ZFAT: variants seen among roughly 807,000 people sequenced by gnomAD.
ZFAT encodes zinc finger protein ZFAT.
A neutral mutation model predicts 117.7 loss-of-function variants in ZFAT; 64 were observed. That is an observed-to-expected ratio of 0.54 (90% CI 0.44 to 0.67). The LOEUF is 0.67. Ranked by LOEUF, ZFAT falls within the 30% of genes least tolerant of loss-of-function variation. The pLI is 0.00. For synonymous variants in ZFAT, 679 were observed against 615.0 expected, an observed-to-expected ratio of 1.10 and a Z score of -1.54; for missense variants, 1,433 against 1,584.5, an observed-to-expected ratio of 0.90 and a Z score of 1.62.
intron 10 of ZFAT, among the ~76,000 whole-genome samples, chr8:134,573,560 C>T (rs1825091268): frequency 1.3e-5 from 2 of 152,214 alleles, no homozygotes; most frequent in South Asian, 4.1e-4. Context: ...ACTGCAGACA[C>T]CGCAGCTCTT....
At chr8:134,622,851 C>A (rs1829225600) in intron 3 of ZFAT, among the ~76,000 whole-genome samples, 1 of 152,122 alleles carries the variant, frequency 6.6e-6, no homozygotes, top group South Asian at 2.1e-4. Flanking sequence ...AAGGCCACAG[C>A]TCTCTCCCTC....
the ZFAT span, among the ~76,000 whole-genome samples, chr8:134,801,347 A>G: frequency 3.3e-5 from 5 of 152,170 alleles, no homozygotes; most frequent in African/African-American, 1.2e-4. Context: ...TCCCACAAAT[A>G]TCTCCACTAA....
upstream of ZFAT, among the ~76,000 whole-genome samples, chr8:134,714,106 TG>T (rs1814152485): frequency 1.3e-5 from 1 of 77,876 alleles, no homozygotes; most frequent in African/African-American, 5.8e-5. Context: ...TGCAAAGACA[TG>T]CCCCCCCCCC....
At chr8:134,520,734 G>A (rs765888004) in intron 13 of ZFAT, 149 bp downstream of exon 13, 27 of 627,968 alleles carry the variant, frequency 4.3e-5, no homozygotes, top group South Asian at 2.0e-4. Context: ...CCTCAGACGC[G>A]AGACATCATT....
chr8:134,708,691 G>A (rs986207161), intron 1 of ZFAT, among the ~76,000 whole-genome samples: 2 of 152,128 alleles, frequency 1.3e-5, no homozygotes, highest in Non-Finnish European at 2.9e-5. Context: ...AGCGGCTCAC[G>A]TCTGTAATAC....
chr8:134,658,596 T>G (rs953690514), intron 1 of ZFAT, among the ~76,000 whole-genome samples: 1 of 152,238 alleles, frequency 6.6e-6, no homozygotes, highest in Non-Finnish European at 1.5e-5. Flanking sequence ...TATGTTCATC[T>G]CATTATACTA....
chr8:134,689,136 C>T (rs562759940), intron 1 of ZFAT, among the ~76,000 whole-genome samples: 10 of 152,328 alleles, frequency 6.6e-5, no homozygotes, highest in East Asian at 5.8e-4. Context: ...CCATAATACA[C>T]GCCCACCAGA....
chr8:134,601,324 G>T (rs1241727082), intron 6 of ZFAT, among the ~76,000 whole-genome samples, 153 bp downstream of exon 6: 11 of 152,134 alleles, frequency 7.2e-5, no homozygotes, highest in Admixed American at 4.6e-4. Flanking sequence ...AGCGCTAACG[G>T]CCACACAGGG....
the ZFAT span, among the ~76,000 whole-genome samples, chr8:134,824,384 A>T: frequency 4.6e-5 from 7 of 152,246 alleles, no homozygotes; most frequent in Non-Finnish European, 1.5e-5. Flanking sequence ...GGATTTAAGC[A>T]GGCAAGTGAT....
chr8:134,700,261 G>C (rs1313636727), intron 1 of ZFAT, among the ~76,000 whole-genome samples: 1 of 152,224 alleles, frequency 6.6e-6, no homozygotes, highest in African/African-American at 2.4e-5. Context: ...AAAATGCAAA[G>C]CTAGGTCTCC....
At chr8:134,497,884 C>A (rs1468841872) in intron 15 of ZFAT, among the ~76,000 whole-genome samples, 2 of 141,140 alleles carry the variant, frequency 1.4e-5, no homozygotes, top group African/African-American at 5.3e-5. Flanking sequence ...GCTGGTTACA[C>A]ACAGAGCCTG....
Position 134,629,079 on chromosome 8 carries a change from C to T in ZFAT, c.448+8382G>A, listed in dbSNP as rs140104040. Among the ~76,000 whole-genome samples, 359 of 152,184 alleles carry T rather than the reference C, an allele frequency of 2.4e-3. 3 individuals carry two copies. Among genetic ancestry groups the T allele is most frequent in the Middle Eastern group, 0.014 (4 of 294 alleles). On this transcript the variant is annotated intron_variant, in intron 3 of 15. Coordinates refer to ENST00000377838, the MANE Select transcript of ZFAT (RefSeq NM_020863.4). Reference sequence around the variant, plus strand: ...GATGATGGACCCACGAGGACAACAGCAGGGATAGGGGAAGGATTGAAGTGA... The same window carrying T: ...GATGATGGACCCACGAGGACAACAGTAGGGATAGGGGAAGGATTGAAGTGA...
At chr8:134,633,068 CG>C (rs1366947043) in intron 3 of ZFAT, among the ~76,000 whole-genome samples, 1 of 151,528 alleles carries the variant, frequency 6.6e-6, no homozygotes, top group Non-Finnish European at 1.5e-5. Context: ...AATACGTATG[CG>C]CGTCAAAATG....
At chr8:134,626,803 G>A (rs918449251) in intron 3 of ZFAT, among the ~76,000 whole-genome samples, 9 of 152,350 alleles carry the variant, frequency 5.9e-5, no homozygotes, top group East Asian at 1.9e-4. Context: ...CTCTGATAAT[G>A]TAGCTTACTG....
chr8:134,746,441 C>T, the ZFAT span, among the ~76,000 whole-genome samples: 1 of 152,172 alleles, frequency 6.6e-6, no homozygotes, highest in Non-Finnish European at 1.5e-5. Context: ...TGTTAATGTA[C>T]CCTAAAATCG....
At chr8:134,513,885 C>A (rs1469887742) in intron 13 of ZFAT, among the ~76,000 whole-genome samples, 1 of 152,098 alleles carries the variant, frequency 6.6e-6, no homozygotes, top group Non-Finnish European at 1.5e-5. Context: ...TAGTAGTCAC[C>A]CAAAAAATAT....
chr8:134,489,162 C>T (rs1222307577), intron 15 of ZFAT, among the ~76,000 whole-genome samples: 2 of 152,086 alleles, frequency 1.3e-5, no homozygotes, highest in Non-Finnish European at 1.5e-5. Context: ...GACCCCCAAG[C>T]TCACTCCCCT....
In ZFAT at chr8:134,484,119, G is replaced by A. The variant is rs114138279; in HGVS notation, c.3493-5398C>T. 2.6e-3 allele frequency among the ~76,000 whole-genome samples: 398 copies of A among 152,284 alleles called. 6 individuals carry two copies. The highest frequency in any genetic ancestry group is 9.0e-3 in the African/African-American group (372 of 41,546). Reference sequence around the variant, plus strand: ...GCTCAGGACACCCTCCTTAAGGAAGGTGGGTCCTGCATTGCTCCCACAGGG... The same window carrying A: ...GCTCAGGACACCCTCCTTAAGGAAGATGGGTCCTGCATTGCTCCCACAGGG... On this transcript the variant is annotated intron_variant, in intron 15 of 15. Transcript: ENST00000377838.
chr8:134,516,762 A>T (rs761825087), intron 13 of ZFAT, among the ~76,000 whole-genome samples: 39 of 152,078 alleles, frequency 2.6e-4, no homozygotes, highest in Non-Finnish European at 2.1e-4. Flanking sequence ...CTCCTGAGGT[A>T]AGAGAATTGC....
Sources: gnomAD v4.1 joint callset for allele counts (sites outside exome capture counted in the v4.1 genomes callset) on GRCh38, gnomAD v4.1.1 for gene constraint, MANE v1.5 for transcripts, NCBI Gene and HGNC (gene_info 2026-07-23, HGNC 2026-07-21) for gene names.